The following NTM variants were observed in gnomAD, a reference collection of about 807,000 sequenced individuals.
NTM encodes neurotrimin.
In NTM, 13 loss-of-function variants were observed where a neutral mutation model predicts 42.1. That is an observed-to-expected ratio of 0.31 (90% confidence interval 0.20 to 0.49). The LOEUF is 0.49. NTM is among the 20% of genes least tolerant of loss of function. The pLI is 0.99. For synonymous variants in NTM, 187 were observed against 179.2 expected, an observed-to-expected ratio of 1.04 and a Z score of -0.35; for missense variants, 373 against 452.8, an observed-to-expected ratio of 0.82 and a Z score of 1.60.
intron 1 of NTM, among the ~76,000 whole-genome samples, chr11:131,672,169 C>T (rs113426734): frequency 1.1e-4 from 17 of 152,348 alleles, no homozygotes; most frequent in East Asian, 7.7e-4. Flanking sequence ...AACAAGCCTG[C>T]GTGGTGCTGT....
chr11:132,271,335 TGTGA>T (rs765298607), intron 4 of NTM, among the ~76,000 whole-genome samples: 1 of 152,192 alleles, frequency 6.6e-6, no homozygotes, highest in Non-Finnish European at 1.5e-5. Context: ...TTGGGACTAT[TGTGA>T]GTAATACTGT....
chr11:131,866,294 A>AC (rs10630751), intron 1 of NTM, among the ~76,000 whole-genome samples: 3 of 151,856 alleles, frequency 2.0e-5, no homozygotes, highest in African/African-American at 7.3e-5. Context: ...AATAAATAAA[A>AC]AACAAAGCAA....
At chr11:131,861,849 G>A (rs892018143) in intron 1 of NTM, among the ~76,000 whole-genome samples, 1 of 152,158 alleles carries the variant, frequency 6.6e-6, no homozygotes, top group Non-Finnish European at 1.5e-5. Context: ...TGAGACTAGT[G>A]AACACTAGGT....
intron 2 of NTM, among the ~76,000 whole-genome samples, chr11:131,936,300 C>G (rs80162812): frequency 0.022 from 3,341 of 152,170 alleles, 118 homozygotes; most frequent in African/African-American, 0.076. Flanking sequence ...CTATATAATA[C>G]CAGAAGATGG....
At chr11:131,417,588 G>A (rs1291689946) in intron 1 of NTM, among the ~76,000 whole-genome samples, 3 of 152,132 alleles carry the variant, frequency 2.0e-5, no homozygotes. Flanking sequence ...GAAAATTAGG[G>A]CTACTGTTGC....
chr11:131,639,420 C>T (rs2064844115), intron 1 of NTM, among the ~76,000 whole-genome samples: 1 of 152,200 alleles, frequency 6.6e-6, no homozygotes, highest in Admixed American at 6.5e-5. Context: ...GGAAGTGCCA[C>T]TTTCAATAAA....
intron 1 of NTM, among the ~76,000 whole-genome samples, chr11:131,632,239 T>A (rs2063727369): frequency 6.6e-6 from 1 of 152,144 alleles, no homozygotes; most frequent in Non-Finnish European, 1.5e-5. Flanking sequence ...ATTGCTTGAG[T>A]CATGTTGTGT....
intron 2 of NTM, among the ~76,000 whole-genome samples, chr11:132,096,147 C>T (rs756201405): frequency 1.3e-5 from 2 of 152,210 alleles, no homozygotes; most frequent in African/African-American, 4.8e-5. Flanking sequence ...GACTTTCTCT[C>T]CCCATACTTT....
In NTM at chr11:131,401,299, T is replaced by C. The variant is rs992130143; in HGVS notation, c.82+30411T>C. On this transcript the variant is annotated intron_variant, in intron 1 of 8. Coordinates refer to ENST00000683400, the MANE Select transcript of NTM (RefSeq NM_001352005.2). ...GAGCTGTAGCATTTGAGAAGGTGTCTTTTTTCATGGTAGACTATTGGGAAG... is the reference window on the plus strand; with the variant it reads ...GAGCTGTAGCATTTGAGAAGGTGTCCTTTTTCATGGTAGACTATTGGGAAG... Among the ~76,000 whole-genome samples the C allele has an allele frequency of 2.0e-5, 3 of 152,240 alleles. No individual in the cohort carries two copies. In the East Asian group the frequency reaches 5.8e-4, roughly 29 times the overall value.
chr11:131,528,251 T>C (rs1283177968), intron 1 of NTM, among the ~76,000 whole-genome samples: 2 of 152,194 alleles, frequency 1.3e-5, no homozygotes, highest in Non-Finnish European at 2.9e-5. Flanking sequence ...CCCTCTTCAA[T>C]AGAATTCATG....
chr11:132,271,304 G>A (rs1051216647), intron 4 of NTM, among the ~76,000 whole-genome samples: 3 of 152,178 alleles, frequency 2.0e-5, no homozygotes, highest in Non-Finnish European at 4.4e-5. Context: ...TCAGTGGATG[G>A]ACATTTGGGT....
At chr11:131,940,219 G>C (rs1175913051) in intron 2 of NTM, among the ~76,000 whole-genome samples, 1 of 152,080 alleles carries the variant, frequency 6.6e-6, no homozygotes, top group Non-Finnish European at 1.5e-5. Flanking sequence ...CAGGATTGTG[G>C]TTTCTTATAT....
At chr11:131,699,909 GGTGTGTGTGTGTGTGTGTGTGTGTGT>G (rs10577927) in intron 1 of NTM, among the ~76,000 whole-genome samples, 25 of 130,456 alleles carry the variant, frequency 1.9e-4, no homozygotes, top group African/African-American at 6.5e-4. Flanking sequence ...CAAAGCAGCA[GGTGTGTGTGTGTGTGTGTGTGTGTGT>G]GTGTGTGTGT....
At position 132,203,991 on chromosome 11, in the gene NTM, G is replaced by A. The variant is rs138438943; in HGVS notation, c.401-8031G>A. Among the ~76,000 whole-genome samples, 67 of 152,176 alleles carry A rather than the reference G, an allele frequency of 4.4e-4. No homozygotes were observed. The East Asian group carries it at 5.0e-3, about 11-fold the overall frequency. On this transcript the variant is annotated intron_variant, in intron 3 of 8. Transcript: ENST00000683400. ...AAGTTCCTTGACTCCTCTGAGTATCGGTATCCTCATCTGTAAAGTGTGGGA... is the reference window on the plus strand; with the variant it reads ...AAGTTCCTTGACTCCTCTGAGTATCAGTATCCTCATCTGTAAAGTGTGGGA...
At chr11:131,376,667 A>AT (rs33999798) in intron 1 of NTM, among the ~76,000 whole-genome samples, 2,756 of 145,240 alleles carry the variant, frequency 0.019, 82 homozygotes, top group African/African-American at 0.059. Context: ...ACTAAATTTG[A>AT]TTTTTTTTTT....
intron 1 of NTM, among the ~76,000 whole-genome samples, chr11:131,584,018 T>A (rs1040101): frequency 1.3e-5 from 2 of 151,986 alleles, no homozygotes; most frequent in Non-Finnish European, 2.9e-5. Flanking sequence ...CCATTTTAGC[T>A]ACAAGTGATG....
chr11:132,043,541 A>G (rs906491275), intron 2 of NTM, among the ~76,000 whole-genome samples: 7 of 152,222 alleles, frequency 4.6e-5, no homozygotes, highest in African/African-American at 7.2e-5. Flanking sequence ...ACATGGAGCC[A>G]CAGACTCTGA....
intron 1 of NTM, among the ~76,000 whole-genome samples, chr11:131,508,468 T>A (rs2136435174): frequency 6.9e-6 from 1 of 143,892 alleles, no homozygotes; most frequent in South Asian, 2.3e-4. Context: ...ATTGTGGAAG[T>A]CAGTGTGGCG....
chr11:132,297,534 C>T (rs1440659321), intron 4 of NTM, among the ~76,000 whole-genome samples: 1 of 152,104 alleles, frequency 6.6e-6, no homozygotes, highest in African/African-American at 2.4e-5. Context: ...AAGACTTTCC[C>T]CCATTTAGTG....
Sources: allele counts gnomAD v4.1 joint callset (sites outside exome capture counted in the v4.1 genomes callset), GRCh38; gene constraint gnomAD v4.1.1; transcripts MANE v1.5; gene names NCBI Gene and HGNC (gene_info 2026-07-23, HGNC 2026-07-21).